Variants in APBA1 observed in about 807,000 individuals in gnomAD.
APBA1 encodes the protein amyloid beta precursor protein binding family A member 1.
A neutral mutation model predicts 86.6 loss-of-function variants in APBA1; 55 were observed. The observed-to-expected ratio is 0.64, with a 90% CI of 0.51 to 0.80. The LOEUF (loss-of-function observed/expected upper bound fraction) is 0.80. Ranked by LOEUF, APBA1 falls within the 30% of genes least tolerant of loss-of-function variation. The pLI is 0.00. For missense variants in APBA1, 1,090 were observed against 1,183.0 expected, an observed-to-expected ratio of 0.92 and a Z score of 1.15; for synonymous variants, 511 against 493.9, an observed-to-expected ratio of 1.03 and a Z score of -0.46.
intron 1 of APBA1, among the ~76,000 whole-genome samples, chr9:69,600,541 A>G (rs966571113): frequency 6.6e-6 from 1 of 152,134 alleles, no homozygotes; most frequent in African/African-American, 2.4e-5. Context: ...GGTGGCTCAC[A>G]TCTGTAACCT....
At chr9:69,626,931 G>A (rs1588399994) in intron 1 of APBA1, among the ~76,000 whole-genome samples, 1 of 150,966 alleles carries the variant, frequency 6.6e-6, no homozygotes, top group Non-Finnish European at 1.5e-5. Context: ...GACAATTTCC[G>A]AGTTATTATT....
chr9:69,606,327 C>T (rs562710204), intron 1 of APBA1, among the ~76,000 whole-genome samples: 49 of 152,214 alleles, frequency 3.2e-4, no homozygotes, highest in African/African-American at 1.1e-3. Flanking sequence ...GGCCAGCAGG[C>T]GTGGTGATAG....
intron 1 of APBA1, among the ~76,000 whole-genome samples, chr9:69,524,583 A>G (rs1836313305): frequency 8.2e-5 from 11 of 134,404 alleles, no homozygotes; most frequent in Admixed American, 7.9e-4. Flanking sequence ...TCAGTAATAC[A>G]AAAAAAAACA....
chr9:69,433,425 T>C (rs1037109642), intron 11 of APBA1, among the ~76,000 whole-genome samples: 1 of 152,230 alleles, frequency 6.6e-6, no homozygotes, highest in Non-Finnish European at 1.5e-5. Flanking sequence ...GCAGACAAGA[T>C]TGCAAGTGAC....
chr9:69,669,340 A>G (rs1218769262), intron 1 of APBA1, among the ~76,000 whole-genome samples: 1 of 152,162 alleles, frequency 6.6e-6, no homozygotes, highest in African/African-American at 2.4e-5. Context: ...AGTCTTCCGA[A>G]ACAAACAAAC....
intron 1 of APBA1, among the ~76,000 whole-genome samples, chr9:69,656,955 C>G (rs1311511731): frequency 2.0e-5 from 3 of 151,590 alleles, no homozygotes; most frequent in Non-Finnish European, 2.9e-5. Flanking sequence ...ACGCCATTCT[C>G]CTGCCTCAGC....
intron 11 of APBA1, among the ~76,000 whole-genome samples, chr9:69,439,977 C>A (rs1232211173): frequency 5.3e-5 from 8 of 152,164 alleles, no homozygotes; most frequent in Admixed American, 2.0e-4. Context: ...GATGTCCTTT[C>A]TGTTTGTTAG....
At chr9:69,561,190 G>T (rs548682912) in intron 1 of APBA1, among the ~76,000 whole-genome samples, 1 of 152,224 alleles carries the variant, frequency 6.6e-6, no homozygotes, top group African/African-American at 2.4e-5. Flanking sequence ...TGAGATAAAG[G>T]CTTGCCCCAG....
intron 1 of APBA1, among the ~76,000 whole-genome samples, chr9:69,547,513 A>G (rs916601743): frequency 6.6e-6 from 1 of 152,188 alleles, no homozygotes; most frequent in Non-Finnish European, 1.5e-5. Context: ...ACTTAGAACC[A>G]GGGTTGTTGT....
chr9:69,441,757 G>T (rs1338589977), intron 10 of APBA1, among the ~76,000 whole-genome samples: 1 of 152,220 alleles, frequency 6.6e-6, no homozygotes, highest in Non-Finnish European at 1.5e-5. Flanking sequence ...TGATGGAGAA[G>T]GAAGAGGAAG....
intron 1 of APBA1, among the ~76,000 whole-genome samples, chr9:69,527,735 A>T (rs1836366614): frequency 6.6e-6 from 1 of 152,106 alleles, no homozygotes; most frequent in African/African-American, 2.4e-5. Context: ...CTCTATACTT[A>T]CAAGTTCCAA....
intron 2 of APBA1, among the ~76,000 whole-genome samples, chr9:69,488,959 C>T (rs551017936): frequency 1.3e-5 from 2 of 152,132 alleles, no homozygotes; most frequent in South Asian, 4.2e-4. Flanking sequence ...AACTACAAAC[C>T]ACTGCTCAAT....
At chr9:69,569,448 A>AGTGT (rs71507121) in intron 1 of APBA1, among the ~76,000 whole-genome samples, 1,553 of 145,050 alleles carry the variant, frequency 0.011, 27 homozygotes, top group African/African-American at 0.037. Context: ...GTCACGTGTG[A>AGTGT]GTGTGTGTGT....
chr9:69,644,620 T>G (rs1034418455), intron 1 of APBA1, among the ~76,000 whole-genome samples: 1 of 152,190 alleles, frequency 6.6e-6, no homozygotes, highest in African/African-American at 2.4e-5. Flanking sequence ...CTTTCCAACT[T>G]GGCCATGTCT....
At chr9:69,582,089 C>T (rs1025213154) in intron 1 of APBA1, among the ~76,000 whole-genome samples, 1 of 152,144 alleles carries the variant, frequency 6.6e-6, no homozygotes, top group Non-Finnish European at 1.5e-5. Flanking sequence ...GTTATTTACA[C>T]AAATTTATTT....
intron 2 of APBA1, among the ~76,000 whole-genome samples, chr9:69,484,983 C>CTTT (rs35896934): frequency 1.4e-5 from 2 of 145,168 alleles, no homozygotes; most frequent in Non-Finnish European, 3.0e-5. Flanking sequence ...AACTGAAAAA[C>CTTT]TTTTTTTTTT....
chr9:69,516,552 C>T lies in APBA1; in HGVS notation c.659G>A (p.Arg220His), dbSNP rs1393295144. The T allele has an allele frequency of 6.3e-7, 1 of 1,597,168 alleles. No individual in the cohort carries two copies. Among genetic ancestry groups the T allele is most frequent in the Non-Finnish European group, 8.5e-7 (1 of 1,177,376 alleles). Residue 220 changes from arginine (R) to histidine (H), a missense_variant, in exon 2 of 13, where the codon CGC becomes CAC. Arg to His is a conservative substitution (Grantham distance 29, BLOSUM62 0). Around this residue, in one of 6 missense-constraint regions of APBA1, gnomAD observed 678 missense variants for 647.1 expected, o/e 1.05. Coordinates refer to ENST00000265381, the MANE Select transcript of APBA1 (RefSeq NM_001163.4). This position sits in a 1 kb window ranked among gnomAD's most constrained non-coding sequence, Gnocchi z 7.3. ...RDGLRLYEQE[R>H]DEAAAYRQEA... Reference sequence around the variant, plus strand: ...CTGGCGGTACGCGGCCGCCTCGTCGCGCTCCTGCTCGTAGAGCCGCAGGCC... The same window carrying T: ...CTGGCGGTACGCGGCCGCCTCGTCGTGCTCCTGCTCGTAGAGCCGCAGGCC...
At chr9:69,436,703 C>T (rs1588281857) in intron 11 of APBA1, among the ~76,000 whole-genome samples, 2 of 152,054 alleles carry the variant, frequency 1.3e-5, no homozygotes, top group South Asian at 4.2e-4. Flanking sequence ...TCTAGATATA[C>T]AATCATGTCA....
At chr9:69,440,774 C>T (rs370263729) in intron 11 of APBA1, among the ~76,000 whole-genome samples, 99 of 152,180 alleles carry the variant, frequency 6.5e-4, no homozygotes, top group African/African-American at 2.3e-3. Context: ...TTGCACAGTG[C>T]GCTGCACCCA....
Sources: allele counts gnomAD v4.1 joint callset (sites outside exome capture counted in the v4.1 genomes callset), GRCh38; gene constraint gnomAD v4.1.1; regional missense constraint gnomAD v4.1.1; non-coding constraint Gnocchi (gnomAD v3.1); transcripts MANE v1.5; gene names NCBI Gene and HGNC (gene_info 2026-07-23, HGNC 2026-07-21).